The following RYR3 variants were observed in gnomAD, a reference collection of about 807,000 sequenced individuals.
RYR3 encodes the protein ryanodine receptor 3.
Under a neutral mutation model 584.3 loss-of-function variants are expected in RYR3, and 207 were observed. That is an observed-to-expected ratio of 0.35 (90% CI 0.32 to 0.40). The LOEUF (loss-of-function observed/expected upper bound fraction) is 0.40, where lower values mean the gene tolerates loss of function less well. Among genes scored for constraint, RYR3 ranks in the 10% least tolerant of loss-of-function variants. The pLI, the probability that RYR3 is intolerant of heterozygous loss-of-function variation, is 1.00. For synonymous variants in RYR3, 2,416 were observed against 2,248.5 expected (o/e 1.07, Z -2.11); for missense variants, 5,616 against 6,089.2 (o/e 0.92, Z 2.59).
intron 24 of RYR3, 85 bp from the exon 25 acceptor site, chr15:33,634,501 A>T: frequency 7.1e-7 from 1 of 1,407,456 alleles, no homozygotes; most frequent in Non-Finnish European, 1.0e-6. Context: ...GAAAGCCAGG[A>T]CTGTTGCTGG....
intron 57 of RYR3, 110 bp downstream of exon 57, chr15:33,750,396 A>T: frequency 9.4e-7 from 1 of 1,066,418 alleles, no homozygotes; most frequent in Non-Finnish European, 1.3e-6. Context: ...AGTCTTTTAA[A>T]ATGAGAACAT....
intron 38 of RYR3, among the ~76,000 whole-genome samples, chr15:33,683,752 G>A (rs2064798964): frequency 6.6e-6 from 1 of 152,262 alleles, no homozygotes; most frequent in South Asian, 2.1e-4. Flanking sequence ...GTGACAGACT[G>A]TACCTGGAAA....
At chr15:33,330,926 A>T (rs553996323) in intron 1 of RYR3, among the ~76,000 whole-genome samples, 1 of 152,246 alleles carries the variant, frequency 6.6e-6, no homozygotes, top group South Asian at 2.1e-4. Flanking sequence ...AGCTCTGCAA[A>T]CTTGGTCTAT....
At chr15:33,408,807 T>A (rs180706215) in intron 1 of RYR3, among the ~76,000 whole-genome samples, 2 of 152,336 alleles carry the variant, frequency 1.3e-5, no homozygotes, top group African/African-American at 4.8e-5. Context: ...GCAATCCTAG[T>A]AGGCAGCAGA....
rs140221433 is a variant in RYR3, at chr15:33,693,185, C to CT, written c.5861-3031dup. 6.4e-3 allele frequency among the ~76,000 whole-genome samples: 972 copies of CT among 152,338 alleles called. 8 individuals are homozygous for CT. The highest frequency in any genetic ancestry group is 0.022 in the African/African-American group (910 of 41,574). ...TCTTTGTTTTTGTCTTGCTTTCCTT[C>CT]TTACTACGTAAGTAATAACTAGGAG... On this transcript the variant is annotated intron_variant, in intron 38 of 103. Coordinates refer to ENST00000634891, the MANE Select transcript of RYR3 (RefSeq NM_001036.6).
intron 60 of RYR3, among the ~76,000 whole-genome samples, chr15:33,761,686 C>T (rs2072465502): frequency 6.6e-6 from 1 of 152,198 alleles, no homozygotes. Flanking sequence ...CAAAGAGGAG[C>T]TGGTACCATT....
At chr15:33,696,114 C>T (rs2065844783) in intron 38 of RYR3, 104 bp from the exon 39 acceptor site, 3 of 1,139,744 alleles carry the variant, frequency 2.6e-6, no homozygotes, top group Admixed American at 4.7e-5. Flanking sequence ...AATTTTGTAA[C>T]CTCAACCAAT....
intron 52 of RYR3, among the ~76,000 whole-genome samples, chr15:33,743,447 CAT>C (rs1215680691): frequency 2.6e-5 from 4 of 152,192 alleles, no homozygotes; most frequent in Non-Finnish European, 4.4e-5. Context: ...ATAGAGAAAA[CAT>C]AAACAAAAGT....
intron 38 of RYR3, among the ~76,000 whole-genome samples, chr15:33,689,178 C>A (rs2065232759): frequency 7.5e-6 from 1 of 132,838 alleles, no homozygotes; most frequent in Admixed American, 9.1e-5. Context: ...ACAATGAGAA[C>A]CCTTGGACAC....
chr15:33,598,801 C>A (rs1345004123), intron 16 of RYR3, among the ~76,000 whole-genome samples: 2 of 152,086 alleles, frequency 1.3e-5, no homozygotes, highest in Non-Finnish European at 2.9e-5. Context: ...CGCCTGTAAT[C>A]CCAGCACTTT....
Position 33,859,665 on chromosome 15 carries a change from T to C in RYR3, c.14233T>C (p.Tyr4745His). The C allele has an allele frequency of 6.2e-7, 1 of 1,613,990 alleles. No homozygotes were observed. Among genetic ancestry groups the C allele is most frequent in the Non-Finnish European group, 8.5e-7 (1 of 1,179,876 alleles). Residue 4745 changes from tyrosine (Y) to histidine (H), a missense_variant, in exon 100 of 104, where the codon TAT becomes CAT. Tyr to His is a moderately conservative substitution (Grantham distance 83). This residue lies in a region of RYR3 where 918 missense variants were observed against 887.4 expected (regional missense o/e 1.03). Transcript: ENST00000634891. ...EDPAGDPYEMYRIVFDITFFF... is the reference protein window; with the variant it reads ...EDPAGDPYEMHRIVFDITFFF... ...CCCTGCTGGTGATCCTTATGAAATG[T>C]ATCGCATTGTCTTTGACATTACCTT...
chr15:33,816,424 T>G (rs562838932), intron 74 of RYR3, among the ~76,000 whole-genome samples: 1 of 152,244 alleles, frequency 6.6e-6, no homozygotes, highest in African/African-American at 2.4e-5. Flanking sequence ...TTTTGGTATT[T>G]TGGTATCTCT....
Position 33,635,798 on chromosome 15 carries a change from C to G in RYR3, c.3360C>G (p.Ala1120=), listed in dbSNP as rs768969405. 3 of 1,612,856 alleles carry G rather than the reference C, an allele frequency of 1.9e-6. No homozygotes were observed. Among genetic ancestry groups the G allele is most frequent in the Non-Finnish European group, 2.5e-6 (3 of 1,179,762 alleles). ...TCGAGCTGGGGGCCGATGACCAAGC[C>G]TTTGTGTTTGAAGGCAACAGGGTGA... ...PDVELGADDQ[A]FVFEGNRGQR... Residue 1120 remains alanine (A), a synonymous_variant, in exon 26 of 104, where the codon GCC becomes GCG. Coordinates refer to ENST00000634891, the MANE Select transcript of RYR3 (RefSeq NM_001036.6).
intron 1 of RYR3, among the ~76,000 whole-genome samples, chr15:33,399,108 C>A (rs1567162881): frequency 6.6e-6 from 1 of 152,166 alleles, no homozygotes; most frequent in Non-Finnish European, 1.5e-5. Flanking sequence ...GCTTAAGAAT[C>A]CATCACACCT....
chr15:33,659,483 G>GA (rs1230034063), intron 32 of RYR3, among the ~76,000 whole-genome samples: 1 of 152,188 alleles, frequency 6.6e-6, no homozygotes, highest in African/African-American at 2.4e-5. Flanking sequence ...GTATCTGAGA[G>GA]AAAAAATGAA....
chr15:33,559,223 G>C (rs2057273259), intron 10 of RYR3, among the ~76,000 whole-genome samples: 1 of 152,280 alleles, frequency 6.6e-6, no homozygotes, highest in Admixed American at 6.5e-5. Context: ...TCCGTTCAGG[G>C]TCCACAAAAC....
At chr15:33,476,852 T>C (rs1385704376) in intron 2 of RYR3, among the ~76,000 whole-genome samples, 3 of 152,164 alleles carry the variant, frequency 2.0e-5, no homozygotes, top group Non-Finnish European at 4.4e-5. Flanking sequence ...ACGGTAAGGA[T>C]AGAGCAGATA....
chr15:33,393,362 G>C (rs1182698868), intron 1 of RYR3, among the ~76,000 whole-genome samples: 1 of 152,144 alleles, frequency 6.6e-6, no homozygotes, highest in Non-Finnish European at 1.5e-5. Context: ...CCTCCCCTCA[G>C]TGTAGTGGTT....
intron 57 of RYR3, among the ~76,000 whole-genome samples, chr15:33,754,380 G>A (rs556323375): frequency 1.3e-5 from 2 of 152,282 alleles, no homozygotes; most frequent in South Asian, 2.1e-4. Context: ...CTGTAGGGAC[G>A]TACATGATTG....
Sources: gnomAD v4.1 joint callset for allele counts (sites outside exome capture counted in the v4.1 genomes callset) on GRCh38, gnomAD v4.1.1 for gene constraint, gnomAD v4.1.1 regional missense constraint, MANE v1.5 for transcripts, NCBI Gene and HGNC (gene_info 2026-07-23, HGNC 2026-07-21) for gene names.